The following CTHRC1 variants were observed in gnomAD, a reference collection of about 807,000 sequenced individuals.
CTHRC1 encodes collagen triple helix repeat containing 1, also known as collagen triple helix repeat-containing protein 1.
CTHRC1 carries 21 observed loss-of-function variants against 25.9 expected under a neutral mutation model. That is an observed-to-expected ratio of 0.81 (90% CI 0.57 to 1.17). The LOEUF (loss-of-function observed/expected upper bound fraction) is 1.17, where lower values mean the gene tolerates loss of function less well. CTHRC1 is among the 50% of genes most tolerant of loss of function. The pLI is 0.00. For missense variants in CTHRC1, 281 were observed against 304.3 expected (o/e 0.92, Z 0.57); for synonymous variants, 109 against 113.1 (o/e 0.96, Z 0.23).
At chr8:103,373,128 T>C (rs763437361) in intron 1 of CTHRC1, among the ~76,000 whole-genome samples, 3 of 152,214 alleles carry the variant, frequency 2.0e-5, no homozygotes, top group South Asian at 4.1e-4. Flanking sequence ...TCTGTAGTTA[T>C]GATACACAAA....
In CTHRC1 at chr8:103,371,726, C is replaced by T; in HGVS notation, c.70C>T (p.Leu24=). 3 of 1,536,030 alleles carry T rather than the reference C, an allele frequency of 2.0e-6. No homozygotes were observed. Among genetic ancestry groups the T allele is most frequent in the Non-Finnish European group, 2.6e-6 (3 of 1,141,910 alleles). The change falls in exon 1 of 4, where the codon CTG becomes TTG. Residue 24 remains leucine, a synonymous_variant. Transcript: ENST00000330295. ...RGLLLLLLLQ[L]PAPSSASEIP... ...CCTCCTGCTGCTCCTGCTGCTGCAG[C>T]TGCCCGCGCCGTCGAGCGCCTCTGA...
At chr8:103,377,834 CCT>C (rs1411606487) in intron 2 of CTHRC1, among the ~76,000 whole-genome samples, 191 bp from the exon 3 acceptor site, 1 of 152,094 alleles carries the variant, frequency 6.6e-6, no homozygotes, top group Non-Finnish European at 1.5e-5. Flanking sequence ...TAACCCCTGG[CCT>C]CAAGTAATCT....
At position 103,375,924 on chromosome 8, in the gene CTHRC1, T is replaced by C. The variant is rs1409734344; in HGVS notation, c.337T>C (p.Ser113Pro). 1 of 1,613,948 alleles carries C rather than the reference T, an allele frequency of 6.2e-7. No homozygotes were observed. The highest frequency in any genetic ancestry group is 1.3e-5 in the African/African-American group (1 of 74,922). Residue 113 changes from serine to proline, a missense_variant, in exon 2 of 4, where the codon TCA becomes CCA. By Grantham distance (74) the Ser-to-Pro change is moderately conservative. Coordinates refer to ENST00000330295, the MANE Select transcript of CTHRC1 (RefSeq NM_138455.4). ...TPNYKQCSWS[S>P]LNYGIDLGKI... ...CAACTACAAGCAGTGTTCATGGAGT[T>C]CATTGAATTATGGCATAGATCTTGG...
At chr8:103,377,578 C>G (rs918350226) in intron 2 of CTHRC1, among the ~76,000 whole-genome samples, 2 of 151,828 alleles carry the variant, frequency 1.3e-5, no homozygotes, top group Non-Finnish European at 2.9e-5. Flanking sequence ...ATCTCCCTCC[C>G]TCTATAAAAG....
At position 103,371,635 on chromosome 8, in the gene CTHRC1, C is replaced by T. The variant is rs1435721566; in HGVS notation, c.-22C>T. ...TCGGTCTCCTCCGCCTCCAGCTCCG[C>T]GCTGCCCGGCAGCCGGGAGCCATGC... is the stretch of plus-strand genomic sequence containing the variant. On this transcript the variant is annotated 5_prime_UTR_variant, in exon 1 of 4. Coordinates refer to ENST00000330295, the MANE Select transcript of CTHRC1 (RefSeq NM_138455.4). The T allele has an allele frequency of 6.5e-7, 1 of 1,529,672 alleles. No individual in the cohort carries two copies. Among genetic ancestry groups the T allele is most frequent in the South Asian group, 1.2e-5 (1 of 82,030 alleles). 94.8% of individuals were successfully genotyped at this position (1,529,672 alleles called of 1,614,324 possible).
chr8:103,375,811 CGGGTACACCT>C lies in CTHRC1; in HGVS notation c.228_237del (p.Thr77SerfsTer15), dbSNP rs1563708481. On this transcript the variant is annotated frameshift_variant, in exon 2 of 4. Transcript: ENST00000330295. LOFTEE classifies it high-confidence loss of function. ...GGGAGCCCTGGGGCCAATGGCATTC[CGGGTACACCT>C]GGGATCCCAGGTCGGGATGGATTCA... The C allele has an allele frequency of 5.6e-6, 9 of 1,614,046 alleles. No homozygotes were observed. The highest frequency in any genetic ancestry group is 6.8e-6 in the Non-Finnish European group (8 of 1,179,998).
At position 103,382,571 on chromosome 8, in the gene CTHRC1, C is replaced by T. The variant is rs763322692; in HGVS notation, c.703C>T (p.Arg235Cys). Residue 235 changes from arginine (R) to cysteine (C), a missense_variant, in exon 4 of 4, where the codon CGC becomes TGC. Coordinates refer to ENST00000330295, the MANE Select transcript of CTHRC1 (RefSeq NM_138455.4). ...DASTGWNSVSRIIIEELPK is the reference protein window; with the variant it reads ...DASTGWNSVSCIIIEELPK ...TTCTACTGGATGGAATTCAGTTTCT[C>T]GCATCATTATTGAAGAACTACCAAA... The T allele has an allele frequency of 8.7e-6, 14 of 1,613,016 alleles. No individual in the cohort carries two copies. The highest frequency in any genetic ancestry group is 1.2e-5 in the Non-Finnish European group (14 of 1,179,254).
In CTHRC1 at chr8:103,371,655, C is replaced by A. The variant is rs1392903548; in HGVS notation, c.-2C>A. 6.5e-7 allele frequency: 1 copy of A among 1,533,498 alleles called. No homozygotes were observed. Among genetic ancestry groups the A allele is most frequent in the Non-Finnish European group, 8.8e-7 (1 of 1,141,490 alleles). The allele number at this position is 1,533,498 out of a possible 1,614,324, so 95.0% of individuals were successfully genotyped here. The stretch of plus-strand genomic sequence containing the variant: ...CTCCGCGCTGCCCGGCAGCCGGGAG[C>A]CATGCGACCCCAGGGCCCCGCCGCC... On this transcript the variant is annotated 5_prime_UTR_variant, in exon 1 of 4. Coordinates refer to ENST00000330295, the MANE Select transcript of CTHRC1 (RefSeq NM_138455.4).
intron 1 of CTHRC1, chr8:103,372,708 A>G: frequency 6.6e-7 from 1 of 1,508,248 alleles, no homozygotes; most frequent in Non-Finnish European, 9.1e-7. Flanking sequence ...AACCCAGTGG[A>G]GGGCGGAGAG....
In CTHRC1 at chr8:103,375,798, G is replaced by C; in HGVS notation, c.211G>C (p.Ala71Pro). Reference sequence around the variant, plus strand: ...GCCTGGTCGAGACGGGAGCCCTGGGGCCAATGGCATTCCGGGTACACCTGG... The same window carrying C: ...GCCTGGTCGAGACGGGAGCCCTGGGCCCAATGGCATTCCGGGTACACCTGG... The part of the protein sequence containing the change: ...GVPGRDGSPG[A>P]NGIPGTPGIP... Residue 71 changes from alanine (A) to proline (P), a missense_variant, in exon 2 of 4, where the codon GCC becomes CCC. Physicochemically the swap from Ala to Pro is conservative, Grantham distance 27. Coordinates refer to ENST00000330295, the MANE Select transcript of CTHRC1 (RefSeq NM_138455.4). The C allele has an allele frequency of 6.2e-7, 1 of 1,614,114 alleles. No individual in the cohort carries two copies. The highest frequency in any genetic ancestry group is 8.5e-7 in the Non-Finnish European group (1 of 1,180,028).
At position 103,382,481 on chromosome 8, in the gene CTHRC1, G is replaced by C; in HGVS notation, c.613G>C (p.Gly205Arg). 1 of 1,613,780 alleles carries C rather than the reference G, an allele frequency of 6.2e-7. No individual in the cohort carries two copies. The highest frequency in any genetic ancestry group is 1.7e-5 in the Admixed American group (1 of 60,016). ...SSVEGLCEGI[G>R]AGLVDVAIWV... is the part of the protein sequence containing the mutation. ...AGTGGAAGGACTTTGTGAAGGAATT[G>C]GTGCTGGATTAGTGGATGTTGCTAT... The change falls in exon 4 of 4, where the codon GGT becomes CGT. Residue 205 changes from glycine (G) to arginine (R), a missense_variant. Transcript: ENST00000330295.
At chr8:103,376,597 CTGGGA>C (rs1815811119) in intron 2 of CTHRC1, among the ~76,000 whole-genome samples, 1 of 152,218 alleles carries the variant, frequency 6.6e-6, no homozygotes, top group Non-Finnish European at 1.5e-5. Context: ...GGCAAGTCCA[CTGGGA>C]TGGAAGAGAG....
intron 3 of CTHRC1, among the ~76,000 whole-genome samples, chr8:103,378,836 G>A (rs1432735023): frequency 2.0e-5 from 3 of 151,984 alleles, no homozygotes; most frequent in Non-Finnish European, 4.4e-5. Flanking sequence ...GCAAGAGGGC[G>A]AAACCCCATC....
Position 103,382,444 on chromosome 8 carries a change from T to C in CTHRC1, c.590-14T>C. The C allele has an allele frequency of 6.2e-7, 1 of 1,613,706 alleles. No homozygotes were observed. The highest frequency in any genetic ancestry group is 8.5e-7 in the Non-Finnish European group (1 of 1,179,688). ...GTTCTAAAGAAAGATGTAACTTTCA[T>C]CTTTGTCTTGCAGTGGAAGGACTTT... On this transcript the variant is annotated splice_polypyrimidine_tract_variant and intron_variant, in intron 3 of 3. Coordinates refer to ENST00000330295, the MANE Select transcript of CTHRC1 (RefSeq NM_138455.4).
At chr8:103,382,383 G>A (rs1815928672) in intron 3 of CTHRC1, 75 bp from the exon 4 acceptor site, 4 of 1,471,966 alleles carry the variant, frequency 2.7e-6, no homozygotes, top group Non-Finnish European at 3.8e-6. Context: ...CTAGCTTTCT[G>A]AAGTTATAAA....
At chr8:103,382,101 G>C (rs1245729696) in intron 3 of CTHRC1, among the ~76,000 whole-genome samples, 2 of 151,974 alleles carry the variant, frequency 1.3e-5, no homozygotes, top group African/African-American at 4.8e-5. Flanking sequence ...CATATCAAAT[G>C]AAAGTCTTGG....
intron 1 of CTHRC1, 69 bp from the exon 2 acceptor site, chr8:103,375,669 T>G (rs1815790206): frequency 3.7e-6 from 5 of 1,342,686 alleles, no homozygotes; most frequent in Middle Eastern, 2.0e-4. Context: ...ATAAATGCAT[T>G]TCTAATCATA....
intron 1 of CTHRC1, among the ~76,000 whole-genome samples, chr8:103,372,836 G>A (rs1311625478): frequency 6.6e-6 from 1 of 151,416 alleles, no homozygotes; most frequent in Non-Finnish European, 1.5e-5. Context: ...GACATAAGTT[G>A]GGGCATTTTT....
chr8:103,382,492 A>G lies in CTHRC1; in HGVS notation c.624A>G (p.Leu208=), dbSNP rs1815930870. The change falls in exon 4 of 4, where the codon TTA becomes TTG. Residue 208 remains leucine, a synonymous_variant. Transcript: ENST00000330295. ...TTTGTGAAGGAATTGGTGCTGGATT[A>G]GTGGATGTTGCTATCTGGGTTGGTA... is the stretch of plus-strand genomic sequence containing the variant. ...EGLCEGIGAG[L]VDVAIWVGTC... 1 of 1,613,636 alleles carries G rather than the reference A, an allele frequency of 6.2e-7. No individual in the cohort carries two copies. The highest frequency in any genetic ancestry group is 8.5e-7 in the Non-Finnish European group (1 of 1,179,754).
Sources: gnomAD v4.1 joint callset for allele counts (sites outside exome capture counted in the v4.1 genomes callset) on GRCh38, gnomAD v4.1.1 for gene constraint, MANE v1.5 for transcripts, NCBI Gene and HGNC (gene_info 2026-07-23, HGNC 2026-07-21) for gene names.